The following TMEM120B variants were observed in gnomAD, a reference collection of about 807,000 sequenced individuals.
The protein encoded by TMEM120B is transmembrane protein 120B.
Under a neutral mutation model 55.5 loss-of-function variants are expected in TMEM120B, and 31 were observed. The observed-to-expected ratio is 0.56, with a 90% CI of 0.42 to 0.75. The LOEUF (loss-of-function observed/expected upper bound fraction) is 0.75, where lower values mean the gene tolerates loss of function less well. Ranked by LOEUF, TMEM120B falls within the 30% of genes least tolerant of loss-of-function variation. The probability of loss-of-function intolerance (pLI) is 0.00; values close to 1 mark genes in which losing one functional copy is unlikely to be tolerated. For missense variants in TMEM120B, 399 were observed against 425.5 expected, an observed-to-expected ratio of 0.94 and a Z score of 0.55; for synonymous variants, 203 against 176.3, an observed-to-expected ratio of 1.15 and a Z score of -1.20.
chr12:121,773,543 G>A (rs754496771), intron 9 of TMEM120B, 30 bp downstream of exon 9: 4 of 1,541,774 alleles, frequency 2.6e-6, no homozygotes, highest in Non-Finnish European at 3.5e-6. Flanking sequence ...TTGGAGCCGG[G>A]GCAGGTACTG....
chr12:121,739,221 C>T (rs577701347), intron 1 of TMEM120B, among the ~76,000 whole-genome samples: 10 of 151,808 alleles, frequency 6.6e-5, no homozygotes, highest in Admixed American at 2.0e-4. Context: ...CTTAAATTCA[C>T]GAAAGACAGA....
At chr12:121,746,188 C>G (rs552953468) in intron 2 of TMEM120B, among the ~76,000 whole-genome samples, 13 of 148,454 alleles carry the variant, frequency 8.8e-5, no homozygotes, top group East Asian at 2.0e-4. Flanking sequence ...ACCGCCCCCC[C>G]ACTTTTTTTT....
chr12:121,720,196 A>G (rs1566505130), intron 1 of TMEM120B, among the ~76,000 whole-genome samples: 1 of 152,208 alleles, frequency 6.6e-6, no homozygotes, highest in East Asian at 1.9e-4. Context: ...TTGTGTTTTC[A>G]TGCCACCCAA....
chr12:121,771,412 G>C (rs540617880), intron 7 of TMEM120B, 76 bp from the exon 8 acceptor site: 3 of 1,291,164 alleles, frequency 2.3e-6, no homozygotes, highest in Non-Finnish European at 3.4e-6. Flanking sequence ...CTTCTGGTTG[G>C]AATGGAGTTG....
chr12:121,715,378 G>A (rs1038793137), intron 1 of TMEM120B, among the ~76,000 whole-genome samples: 1 of 152,184 alleles, frequency 6.6e-6, no homozygotes, highest in Non-Finnish European at 1.5e-5. Context: ...TAAGAGCTGT[G>A]CAATTAATGC....
At chr12:121,721,701 C>T (rs1487116655) in intron 1 of TMEM120B, among the ~76,000 whole-genome samples, 1 of 151,560 alleles carries the variant, frequency 6.6e-6, no homozygotes, top group African/African-American at 2.4e-5. Context: ...AACTCCTAAC[C>T]TCGTGATCCG....
At position 121,781,322 on chromosome 12, in the gene TMEM120B, C is replaced by T; in HGVS notation, c.*5600C>T. On this transcript the variant is annotated 3_prime_UTR_variant, in exon 12 of 12. Coordinates refer to ENST00000449592, the MANE Select transcript of TMEM120B (RefSeq NM_001080825.2). ...ATTTCCTCATCTATACAATGGGCAGCAAGCCAGGAGTGCTGGCACAGGCCT... is the reference window on the plus strand; with the variant it reads ...ATTTCCTCATCTATACAATGGGCAGTAAGCCAGGAGTGCTGGCACAGGCCT... 1.3e-6 allele frequency: 1 copy of T among 765,302 alleles called. No homozygotes were observed. The highest frequency in any genetic ancestry group is 2.6e-5 in the Admixed American group (1 of 38,942). The allele number at this position is 765,302 out of a possible 1,614,324, so 47.4% of individuals were successfully genotyped here.
rs563651797 is a variant in TMEM120B at position 121,775,727 on chromosome 12, C to G, written c.*5C>G. 2 of 1,613,728 alleles carry G rather than the reference C, an allele frequency of 1.2e-6. No individual in the cohort carries two copies. The highest frequency in any genetic ancestry group is 1.7e-6 in the Non-Finnish European group (2 of 1,179,972). Reference sequence around the variant, plus strand: ...GGCAAGACAAAGCAGCCGTGAGCCTCGGGCTCCTGTGCCCTCGGCCCGGAC... The same window carrying G: ...GGCAAGACAAAGCAGCCGTGAGCCTGGGGCTCCTGTGCCCTCGGCCCGGAC... On this transcript the variant is annotated 3_prime_UTR_variant, in exon 12 of 12. Transcript: ENST00000449592. The surrounding 1 kb of genome is among the most constrained non-coding windows in gnomAD (Gnocchi z 4.3).
intron 1 of TMEM120B, among the ~76,000 whole-genome samples, chr12:121,723,857 C>T (rs1307320534): frequency 1.2e-4 from 19 of 152,036 alleles, no homozygotes; most frequent in South Asian, 4.2e-4. Context: ...GACTAGAGTG[C>T]GGGGGTGTGA....
chr12:121,750,497 C>A lies in TMEM120B; in HGVS notation c.365+58C>A. ...ACCTCACACCGCCCCCACACCCACACCCACACCCCAAACCCCACACTGAGA... is the reference window on the plus strand; with the variant it reads ...ACCTCACACCGCCCCCACACCCACAACCACACCCCAAACCCCACACTGAGA... On this transcript the variant is annotated intron_variant, in intron 4 of 11. Transcript: ENST00000449592. 4.3e-6 allele frequency: 6 copies of A among 1,395,138 alleles called. No homozygotes were observed. The South Asian group carries it at 4.7e-5, about 11-fold the overall frequency. The allele number at this position is 1,395,138 out of a possible 1,614,324, so 86.4% of individuals were successfully genotyped here.
intron 5 of TMEM120B, among the ~76,000 whole-genome samples, chr12:121,755,723 G>T (rs1038823437): frequency 6.6e-6 from 1 of 152,182 alleles, no homozygotes; most frequent in East Asian, 1.9e-4. Context: ...GCATTATCCT[G>T]TGGGTAGTTG....
At chr12:121,750,306 T>C in intron 3 of TMEM120B, 74 bp from the exon 4 acceptor site, 1 of 1,370,630 alleles carries the variant, frequency 7.3e-7, no homozygotes, top group South Asian at 1.2e-5. Flanking sequence ...GCTCATTAAG[T>C]GTGTTGAGTT....
chr12:121,761,626 C>G (rs753085658), intron 5 of TMEM120B, 23 bp from the exon 6 acceptor site: 1 of 1,603,032 alleles, frequency 6.2e-7, no homozygotes, highest in Non-Finnish European at 8.5e-7. Flanking sequence ...CGCACCCCTC[C>G]CGGGGGCTGT....
At chr12:121,737,086 G>A (rs1895130810) in intron 1 of TMEM120B, among the ~76,000 whole-genome samples, 1 of 152,140 alleles carries the variant, frequency 6.6e-6, no homozygotes, top group Admixed American at 6.6e-5. Context: ...CAGAAGTTAT[G>A]TAGTGTCAAT....
At chr12:121,769,229 C>T (rs987129219) in intron 6 of TMEM120B, among the ~76,000 whole-genome samples, 20 of 151,806 alleles carry the variant, frequency 1.3e-4, no homozygotes, top group Non-Finnish European at 2.6e-4. Context: ...TTCCCATAGC[C>T]TCTGGACTGG....
At chr12:121,731,656 G>A (rs998146257) in intron 1 of TMEM120B, among the ~76,000 whole-genome samples, 1 of 152,210 alleles carries the variant, frequency 6.6e-6, no homozygotes, top group African/African-American at 2.4e-5. Flanking sequence ...TAACGTTTGC[G>A]TAATGACGGC....
rs1254720822 is a variant in TMEM120B at position 121,716,300 on chromosome 12, C to CCT, written c.69+3344_69+3345dup. Among the ~76,000 whole-genome samples the CCT allele has an allele frequency of 3.4e-5, 5 of 146,316 alleles. No homozygotes were observed. In the South Asian group the frequency reaches 6.5e-4, roughly 19 times the overall value. On this transcript the variant is annotated intron_variant, in intron 1 of 11. Transcript: ENST00000449592. ...TCTAGCCTGGGTGACAGAGTTAGAC[C>CCT]CTCTCTCTCAAAAAAAAAAAAAAAG... is the stretch of plus-strand genomic sequence containing the variant.
At chr12:121,720,276 T>C (rs1342215715) in intron 1 of TMEM120B, among the ~76,000 whole-genome samples, 1 of 152,188 alleles carries the variant, frequency 6.6e-6, no homozygotes, top group East Asian at 1.9e-4. Flanking sequence ...TTCTGACACA[T>C]GACTCAGAAT....
chr12:121,751,112 AACCCAAACCCACACCCCAC>A (rs1873303651), intron 4 of TMEM120B, among the ~76,000 whole-genome samples: 1 of 92,408 alleles, frequency 1.1e-5, no homozygotes, highest in Non-Finnish European at 2.2e-5. Flanking sequence ...CCACACCCCA[AACCCAAACCCACACCCCAC>A]ACCTTACACC....
Sources: allele counts gnomAD v4.1 joint callset (sites outside exome capture counted in the v4.1 genomes callset), GRCh38; gene constraint gnomAD v4.1.1; non-coding constraint Gnocchi (gnomAD v3.1); transcripts MANE v1.5; gene names NCBI Gene and HGNC (gene_info 2026-07-23, HGNC 2026-07-21).